The following MRAP2 variants were observed in gnomAD, a reference collection of about 807,000 sequenced individuals.
The protein encoded by MRAP2 is melanocortin 2 receptor accessory protein 2, also known as melanocortin-2 receptor accessory protein 2.
Under a neutral mutation model 17.4 loss-of-function variants are expected in MRAP2, and 20 were observed. That is an observed-to-expected ratio of 1.15 (90% confidence interval 0.81 to 1.67). MRAP2 has a LOEUF of 1.67. Ranked by LOEUF, MRAP2 falls within the 40% of genes most tolerant of loss-of-function variation. MRAP2 has a pLI of 0.00. For missense variants in MRAP2, 238 were observed against 240.0 expected, an observed-to-expected ratio of 0.99 and a Z score of 0.05; for synonymous variants, 96 against 88.4, an observed-to-expected ratio of 1.09 and a Z score of -0.48.
chr6:84,120,540 A>C, the MRAP2 span, among the ~76,000 whole-genome samples: 1 of 152,214 alleles, frequency 6.6e-6, no homozygotes, highest in African/African-American at 2.4e-5. Flanking sequence ...TAGTTGTAAC[A>C]AATAGCTTTT....
chr6:84,095,411 C>G (rs750123201), downstream of MRAP2, among the ~76,000 whole-genome samples: 13 of 152,160 alleles, frequency 8.5e-5, no homozygotes, highest in Non-Finnish European at 7.3e-5. Context: ...TGGAAACTGC[C>G]TCCCAAACCT....
At chr6:84,136,586 T>C in the MRAP2 span, among the ~76,000 whole-genome samples, 1 of 152,176 alleles carries the variant, frequency 6.6e-6, no homozygotes, top group Non-Finnish European at 1.5e-5. Context: ...GCTATATGTA[T>C]CTGTTTGATT....
chr6:84,036,850 G>T (rs1187880213), intron 1 of MRAP2, among the ~76,000 whole-genome samples: 4 of 152,238 alleles, frequency 2.6e-5, no homozygotes, highest in Non-Finnish European at 5.9e-5. Context: ...TAGACACAGA[G>T]TGCTGATTGG....
Position 84,089,110 on chromosome 6 carries a change from A to G in MRAP2, c.247A>G (p.Lys83Glu). Residue 83 changes from lysine (K) to glutamate (E), a missense_variant, in exon 4 of 4, where the codon AAG (lysine) becomes GAG (glutamate). Coordinates refer to ENST00000257776, the MANE Select transcript of MRAP2 (RefSeq NM_138409.4). ...AAATAGCAATGCAGAGTCCTCAGAG[A>G]AGAGATTCAGAATGAACAGCTTTGT... is the stretch of plus-strand genomic sequence containing the variant. ...PHQDNAESSE[K>E]RFRMNSFVSD... 1 of 1,613,216 alleles carries G rather than the reference A, an allele frequency of 6.2e-7. No homozygotes were observed. Among genetic ancestry groups the G allele is most frequent in the Non-Finnish European group, 8.5e-7 (1 of 1,179,704 alleles).
chr6:84,135,849 G>GT, the MRAP2 span, among the ~76,000 whole-genome samples: 1 of 152,150 alleles, frequency 6.6e-6, no homozygotes, highest in Non-Finnish European at 1.5e-5. Context: ...GGCGACAACA[G>GT]TAAGACTGTC....
the MRAP2 span, among the ~76,000 whole-genome samples, chr6:84,145,152 T>G: frequency 1.3e-5 from 2 of 152,146 alleles, no homozygotes; most frequent in African/African-American, 4.8e-5. Flanking sequence ...GGTTTCCTTA[T>G]AGATGAGTAA....
intron 3 of MRAP2, among the ~76,000 whole-genome samples, chr6:84,067,996 T>C (rs1406770216): frequency 1.3e-5 from 2 of 152,210 alleles, no homozygotes; most frequent in African/African-American, 4.8e-5. Flanking sequence ...TTTCCAATGT[T>C]ATCTTCTAGA....
At chr6:84,039,443 C>T (rs1466029024) in intron 1 of MRAP2, among the ~76,000 whole-genome samples, 2 of 152,034 alleles carry the variant, frequency 1.3e-5, no homozygotes, top group Non-Finnish European at 2.9e-5. Context: ...AGTGCTTAGT[C>T]CTATTGGAGA....
chr6:84,055,256 T>C, intron 1 of MRAP2, 56 bp from the exon 2 acceptor site: 1 of 1,555,632 alleles, frequency 6.4e-7, no homozygotes. Flanking sequence ...TTAAGGTAAC[T>C]GTGCAGCTCT....
chr6:84,112,162 A>G, the MRAP2 span, among the ~76,000 whole-genome samples: 1 of 152,114 alleles, frequency 6.6e-6, no homozygotes, highest in Non-Finnish European at 1.5e-5. Context: ...TGTTTGGAAT[A>G]GTGTCATAAG....
chr6:84,143,615 G>A, the MRAP2 span, among the ~76,000 whole-genome samples: 2 of 151,852 alleles, frequency 1.3e-5, no homozygotes, highest in Non-Finnish European at 2.9e-5. Context: ...GAATGTAGAA[G>A]CTTGCAGAAG....
chr6:84,060,946 G>A lies in MRAP2; in HGVS notation c.128-1947G>A, dbSNP rs995762529. ...GATCTCCTGACCTCGTGATCTGCCC[G>A]CCTCGGCCTCCCAAAGTGCTGGGAT... is the stretch of plus-strand genomic sequence containing the variant. On this transcript the variant is annotated intron_variant, in intron 2 of 3. Coordinates refer to ENST00000257776, the MANE Select transcript of MRAP2 (RefSeq NM_138409.4). Among the ~76,000 whole-genome samples the A allele has an allele frequency of 4.7e-5, 7 of 147,974 alleles. No homozygotes were observed. The East Asian group carries it at 8.0e-4, about 17-fold the overall frequency.
the MRAP2 span, among the ~76,000 whole-genome samples, chr6:84,109,645 A>T: frequency 6.6e-6 from 1 of 152,122 alleles, no homozygotes; most frequent in Non-Finnish European, 1.5e-5. Flanking sequence ...GTACATGTGC[A>T]GAACATGCAG....
chr6:84,050,959 G>A (rs983160467), intron 1 of MRAP2, among the ~76,000 whole-genome samples: 1 of 152,196 alleles, frequency 6.6e-6, no homozygotes, highest in Non-Finnish European at 1.5e-5. Context: ...TGTCAGTTGT[G>A]TGCATGTTTG....
At chr6:84,042,992 G>A (rs2099488037) in intron 1 of MRAP2, among the ~76,000 whole-genome samples, 1 of 152,212 alleles carries the variant, frequency 6.6e-6, no homozygotes, top group African/African-American at 2.4e-5. Context: ...TAAATAGTGT[G>A]TGATATGGTG....
chr6:84,047,352 A>G (rs56066610), intron 1 of MRAP2, among the ~76,000 whole-genome samples: 40,516 of 151,512 alleles, frequency 0.27, 7,322 homozygotes, highest in African/African-American at 0.51. Context: ...CACCATGCCC[A>G]GCTAATTTTT....
chr6:84,117,024 C>T, the MRAP2 span, among the ~76,000 whole-genome samples: 17 of 147,830 alleles, frequency 1.1e-4, no homozygotes, highest in East Asian at 3.0e-3. Flanking sequence ...CTTCTTCTTT[C>T]TTTCTATTTT....
chr6:84,056,431 T>C (rs1034190924), intron 2 of MRAP2, among the ~76,000 whole-genome samples: 1 of 152,228 alleles, frequency 6.6e-6, no homozygotes, highest in Non-Finnish European at 1.5e-5. Context: ...CAAAAATCAT[T>C]AATTAAACCA....
chr6:84,044,202 T>C (rs2099488385), intron 1 of MRAP2, among the ~76,000 whole-genome samples: 1 of 152,204 alleles, frequency 6.6e-6, no homozygotes, highest in African/African-American at 2.4e-5. Context: ...TTTTCTTTTT[T>C]TGAGACAGAG....
Sources: allele counts gnomAD v4.1 joint callset (sites outside exome capture counted in the v4.1 genomes callset), GRCh38; gene constraint gnomAD v4.1.1; transcripts MANE v1.5; gene names NCBI Gene and HGNC (gene_info 2026-07-23, HGNC 2026-07-21).